The following JTB variants were observed in gnomAD, a reference collection of about 807,000 sequenced individuals.
The protein encoded by JTB is protein JTB.
Under a neutral mutation model 22.1 loss-of-function variants are expected in JTB, and 10 were observed. That is an observed-to-expected ratio of 0.45 (90% CI 0.28 to 0.77). The LOEUF is 0.77. Among genes scored for constraint, JTB ranks in the 30% least tolerant of loss-of-function variants. The pLI is 0.13. For missense variants in JTB, 137 were observed against 180.3 expected, an observed-to-expected ratio of 0.76 and a Z score of 1.38; for synonymous variants, 83 against 66.8, an observed-to-expected ratio of 1.24 and a Z score of -1.18.
Position 153,977,289 on chromosome 1 carries a change from C to T in JTB, c.-37G>A. The T allele has an allele frequency of 2.5e-6, 4 of 1,610,276 alleles. No homozygotes were observed. The highest frequency in any genetic ancestry group is 3.4e-6 in the Non-Finnish European group (4 of 1,178,382). On this transcript the variant is annotated 5_prime_UTR_variant, in exon 1 of 5. Transcript: ENST00000271843. ...TGTCGCACCTGTCGGAACAGAGGGA[C>T]CTACTCCACAGGCCTCGTGCCTCCG...
chr1:153,976,644 G>A (rs1252351342), intron 3 of JTB, 49 bp downstream of exon 3: 1 of 1,452,918 alleles, frequency 6.9e-7, no homozygotes, highest in African/African-American at 1.4e-5. Context: ...TTGCTTAAGT[G>A]TTTGCTTAGA....
chr1:153,977,602 C>A lies in JTB; in HGVS notation c.-350G>T, dbSNP rs915014478. 1.6e-5 allele frequency: 16 copies of A among 1,028,466 alleles called. No individual in the cohort carries two copies. Among genetic ancestry groups the A allele is most frequent in the Non-Finnish European group, 1.9e-5 (16 of 856,926 alleles). The allele number at this position is 1,028,466 out of a possible 1,614,324, so 63.7% of individuals were successfully genotyped here. On this transcript the variant is annotated 5_prime_UTR_variant, in exon 1 of 5. Transcript: ENST00000271843. ...CCGTGGAGGATCCTCGGGCGCGGGA[C>A]CGAGCTCGGGGCCCGGTGTTCCCGG...
chr1:153,975,729 T>C (rs932490119), intron 4 of JTB, 97 bp downstream of exon 4: 13 of 961,224 alleles, frequency 1.4e-5, no homozygotes, highest in South Asian at 4.3e-5. Context: ...CTTTCAGATA[T>C]TCCATGCTAC....
Position 153,977,296 on chromosome 1 carries a change from CA to C in JTB, c.-45del. 1 of 1,605,396 alleles carries C rather than the reference CA, an allele frequency of 6.2e-7. No individual in the cohort carries two copies. Among genetic ancestry groups the C allele is most frequent in the Non-Finnish European group, 8.5e-7 (1 of 1,175,606 alleles). On this transcript the variant is annotated 5_prime_UTR_variant, in exon 1 of 5. Transcript: ENST00000271843. ...CCTGTCGGAACAGAGGGACCTACTC[CA>C]CAGGCCTCGTGCCTCCGTCGGAGCG...
In JTB at chr1:153,977,232, C is replaced by A; in HGVS notation, c.21G>T (p.Arg7Ser). Reference protein sequence around the residue: MLAGAGRPGLPQGRHLC... With the variant: MLAGAGSPGLPQGRHLC... ...GGTGGCGGCCCTGGGGGAGGCCAGG[C>A]CTCCCGGCACCCGCAAGCATGGAGC... Residue 7 changes from arginine to serine, a missense_variant, in exon 1 of 5, where the codon AGG becomes AGT. Arg to Ser is a moderately radical substitution (Grantham distance 110). Transcript: ENST00000271843. The A allele has an allele frequency of 6.2e-7, 1 of 1,614,178 alleles. No homozygotes were observed. Among genetic ancestry groups the A allele is most frequent in the South Asian group, 1.1e-5 (1 of 91,080 alleles).
At position 153,977,492 on chromosome 1, in the gene JTB, A is replaced by T; in HGVS notation, c.-240T>A. 8.2e-7 allele frequency: 1 copy of T among 1,216,704 alleles called. No homozygotes were observed. Among genetic ancestry groups the T allele is most frequent in the Non-Finnish European group, 1.0e-6 (1 of 971,952 alleles). 75.4% of individuals were successfully genotyped at this position (1,216,704 alleles called of 1,614,324 possible). A position where few individuals can be genotyped will look rare whatever the true frequency, so the allele number is the denominator to read the frequency against. ...GGCGAGCGCCTTCTGCGGGGTCCGCAGGGCGCTGGAGGAAGGGCCGGCGGG... is the reference window on the plus strand; with the variant it reads ...GGCGAGCGCCTTCTGCGGGGTCCGCTGGGCGCTGGAGGAAGGGCCGGCGGG... On this transcript the variant is annotated 5_prime_UTR_variant, in exon 1 of 5. Coordinates refer to ENST00000271843, the MANE Select transcript of JTB (RefSeq NM_006694.4).
At chr1:153,976,578 A>G (rs960132106) in intron 3 of JTB, 115 bp downstream of exon 3, 1 of 865,506 alleles carries the variant, frequency 1.2e-6, no homozygotes, top group Non-Finnish European at 1.9e-6. Flanking sequence ...AGACTGCAAG[A>G]AGAAAGAAAA....
At chr1:153,977,102 A>C (rs1202715739) in intron 1 of JTB, 68 bp downstream of exon 1, 9 of 1,613,842 alleles carry the variant, frequency 5.6e-6, no homozygotes, top group Non-Finnish European at 7.6e-6. Flanking sequence ...GATCTCCCCC[A>C]GCCCCGAGGC....
At chr1:153,974,907 C>T (rs1403355791) in intron 4 of JTB, 72 bp from the exon 5 acceptor site, 8 of 1,495,718 alleles carry the variant, frequency 5.3e-6, no homozygotes, top group Non-Finnish European at 7.3e-6. Context: ...CCTTCTACTT[C>T]AGCCTAGCCA....
chr1:153,976,607 G>A lies in JTB; in HGVS notation c.204+86C>T. ...AAGAAAAAAAGATGATGCAAAGGCA[G>A]CTTAATAAGACTTGGATGTTAAGAT... On this transcript the variant is annotated intron_variant, in intron 3 of 4. Coordinates refer to ENST00000271843, the MANE Select transcript of JTB (RefSeq NM_006694.4). 2.7e-6 allele frequency: 3 copies of A among 1,105,166 alleles called. No individual in the cohort carries two copies. The East Asian group carries it at 7.1e-5, about 26-fold the overall frequency. 68.5% of individuals were successfully genotyped at this position (1,105,166 alleles called of 1,614,324 possible). A position where few individuals can be genotyped will look rare whatever the true frequency, so the allele number is the denominator to read the frequency against.
intron 2 of JTB, 45 bp downstream of exon 2, chr1:153,976,931 A>T: frequency 6.2e-7 from 1 of 1,613,884 alleles, no homozygotes; most frequent in Non-Finnish European, 8.5e-7. Context: ...TACTAAAACC[A>T]AAAACAAACG....
chr1:153,977,183 T>C lies in JTB; in HGVS notation c.70A>G (p.Thr24Ala). 1.2e-6 allele frequency: 2 copies of C among 1,614,056 alleles called. No individual in the cohort carries two copies. Among genetic ancestry groups the C allele is most frequent in the Non-Finnish European group, 1.7e-6 (2 of 1,179,998 alleles). Residue 24 changes from threonine (T) to alanine (A), a missense_variant, in exon 1 of 5, where the codon ACC (threonine) becomes GCC (alanine). Thr to Ala is a moderately conservative substitution (Grantham distance 58, BLOSUM62 0). Transcript: ENST00000271843. ...RHLCWLLCAF[T>A]LKLCQAEAPV... ...CCTCCTCCTTACCAGAGCTTTAAGG[T>C]GAAAGCACAGAGCAACCAGCAGAGG...
At chr1:153,975,189 T>C (rs549833466) in intron 4 of JTB, among the ~76,000 whole-genome samples, 1 of 152,266 alleles carries the variant, frequency 6.6e-6, no homozygotes, top group Non-Finnish European at 1.5e-5. Flanking sequence ...TGGCGTGACC[T>C]TGGCTCACTG....
Position 153,976,331 on chromosome 1 carries a change from C to T in JTB, c.204+362G>A, listed in dbSNP as rs144268738. The stretch of plus-strand genomic sequence containing the variant: ...CAAAAATTAGCCAGGCATGGTGCAA[C>T]GCGCCTTTAGTCACAGCTACTCAGG... On this transcript the variant is annotated intron_variant, in intron 3 of 4. Coordinates refer to ENST00000271843, the MANE Select transcript of JTB (RefSeq NM_006694.4). Among the ~76,000 whole-genome samples, 393 of 152,190 alleles carry T rather than the reference C, an allele frequency of 2.6e-3. 2 individuals are homozygous for T. The highest frequency in any genetic ancestry group is 8.9e-3 in the African/African-American group (371 of 41,522).
rs544278473 is a variant in JTB at position 153,974,829 on chromosome 1, G to A, written c.291C>T (p.Arg97=). The A allele has an allele frequency of 3.7e-6, 6 of 1,605,166 alleles. No individual in the cohort carries two copies. The highest frequency in any genetic ancestry group is 4.5e-5 in the East Asian group (2 of 44,616). Residue 97 remains arginine, a synonymous_variant, in exon 5 of 5, where the codon CGC becomes CGT. Transcript: ENST00000271843. ...SSKRNEFKSC[R]SALMEQRLFW... ...ATAAGCGTTGTTCCATCAAAGCTGA[G>A]CGGCAGCTGAGGGCAGGAAGGAATA...
Position 153,977,499 on chromosome 1 carries a change from TGGAGGAAG to T in JTB, c.-255_-248del. The stretch of plus-strand genomic sequence containing the variant: ...GCCTTCTGCGGGGTCCGCAGGGCGC[TGGAGGAAG>T]GGCCGGCGGGGGCTCGCGGCCCTAG... On this transcript the variant is annotated 5_prime_UTR_variant, in exon 1 of 5. Transcript: ENST00000271843. 8.2e-7 allele frequency: 1 copy of T among 1,213,918 alleles called. No homozygotes were observed. The highest frequency in any genetic ancestry group is 1.0e-6 in the Non-Finnish European group (1 of 970,574). 75.2% of individuals were successfully genotyped at this position (1,213,918 alleles called of 1,614,324 possible). A position where few individuals can be genotyped will look rare whatever the true frequency, so the allele number is the denominator to read the frequency against.
At chr1:153,976,656 GT>G in intron 3 of JTB, 36 bp downstream of exon 3, 3 of 1,533,102 alleles carry the variant, frequency 2.0e-6, no homozygotes, top group Non-Finnish European at 2.7e-6. Flanking sequence ...TTGCTTAGAT[GT>G]TTAAAAAAAA....
At chr1:153,974,961 T>C in intron 4 of JTB, 126 bp from the exon 5 acceptor site, 1 of 856,088 alleles carries the variant, frequency 1.2e-6, no homozygotes, top group East Asian at 2.6e-5. Flanking sequence ...CTATTGTGTG[T>C]ATAGTACATA....
In JTB at chr1:153,977,119, C is replaced by T. The variant is rs368185086; in HGVS notation, c.83+51G>A. On this transcript the variant is annotated intron_variant, in intron 1 of 4. Transcript: ENST00000271843. Reference sequence around the variant, plus strand: ...TCTCCCCCAGCCCCGAGGCCGGGAACGATCCTGTCCTCCAGTGACCTCCTT... The same window carrying T: ...TCTCCCCCAGCCCCGAGGCCGGGAATGATCCTGTCCTCCAGTGACCTCCTT... The T allele has an allele frequency of 4.8e-4, 777 of 1,613,662 alleles. 1 individual carries two copies. The highest frequency in any genetic ancestry group is 6.4e-4 in the Non-Finnish European group (753 of 1,179,746).
Sources: allele counts gnomAD v4.1 joint callset (sites outside exome capture counted in the v4.1 genomes callset), GRCh38; gene constraint gnomAD v4.1.1; transcripts MANE v1.5; gene names NCBI Gene and HGNC (gene_info 2026-07-23, HGNC 2026-07-21).